Variants in EMCN observed in about 807,000 individuals in gnomAD.
EMCN encodes the protein MUC-14.
A neutral mutation model predicts 38.4 loss-of-function variants in EMCN; 37 were observed. The observed-to-expected ratio is 0.96, with a 90% CI of 0.74 to 1.27. The LOEUF (loss-of-function observed/expected upper bound fraction) is 1.27, where lower values mean the gene tolerates loss of function less well. EMCN is among the 50% of genes most tolerant of loss of function. The pLI, the probability that EMCN is intolerant of heterozygous loss-of-function variation, is 0.00. For missense variants in EMCN, 318 were observed against 302.8 expected (o/e 1.05, Z -0.37); for synonymous variants, 95 against 100.8 (o/e 0.94, Z 0.35).
chr4:100,423,136 T>A, intron 6 of EMCN, 56 bp from the exon 7 acceptor site: 1 of 1,531,958 alleles, frequency 6.5e-7, no homozygotes, highest in Non-Finnish European at 9.0e-7. Context: ...ATTCTTGCAG[T>A]CCTCCCTCCA....
chr4:100,429,257 A>G lies in EMCN; in HGVS notation c.416-5853T>C, dbSNP rs1210603000. Among the ~76,000 whole-genome samples, 8 of 152,272 alleles carry G rather than the reference A, an allele frequency of 5.3e-5. No homozygotes were observed. The East Asian group carries it at 1.5e-3, about 29-fold the overall frequency. On this transcript the variant is annotated intron_variant, in intron 5 of 11. Transcript: ENST00000296420. ...TGGAGAGGAAAATAATCTATTATATAAGTGAAACATGAGTGGTATAGACAA... is the reference window on the plus strand; with the variant it reads ...TGGAGAGGAAAATAATCTATTATATGAGTGAAACATGAGTGGTATAGACAA...
intron 10 of EMCN, among the ~76,000 whole-genome samples, chr4:100,412,120 C>G (rs1726579776): frequency 6.6e-6 from 1 of 151,986 alleles, no homozygotes; most frequent in African/African-American, 2.4e-5. Flanking sequence ...CAAAGGAGAG[C>G]AAGAGACTCT....
At chr4:100,412,626 G>A (rs751389012) in intron 10 of EMCN, among the ~76,000 whole-genome samples, 2 of 151,982 alleles carry the variant, frequency 1.3e-5, no homozygotes, top group Non-Finnish European at 2.9e-5. Flanking sequence ...TGACAAGATC[G>A]CTTACTAAAG....
chr4:100,476,860 T>TA (rs1274350562), intron 2 of EMCN, among the ~76,000 whole-genome samples: 1 of 152,184 alleles, frequency 6.6e-6, no homozygotes, highest in East Asian at 1.9e-4. Context: ...TCTATTCAAA[T>TA]ATAACAGGGA....
chr4:100,481,364 T>C (rs1463061133), intron 1 of EMCN, among the ~76,000 whole-genome samples: 1 of 152,120 alleles, frequency 6.6e-6, no homozygotes, highest in Non-Finnish European at 1.5e-5. Context: ...AATTTTATAG[T>C]CTTGAGATGC....
chr4:100,509,686 G>A (rs1341306630), intron 1 of EMCN, among the ~76,000 whole-genome samples: 12 of 152,094 alleles, frequency 7.9e-5, no homozygotes, highest in African/African-American at 7.2e-5. Context: ...ATGGTTTTCC[G>A]TGTTTTGTGT....
intron 11 of EMCN, among the ~76,000 whole-genome samples, chr4:100,402,779 A>G (rs1726291055): frequency 1.3e-5 from 2 of 151,894 alleles, no homozygotes; most frequent in Admixed American, 1.3e-4. Flanking sequence ...TTCGAAGATC[A>G]ACACTGTTCC....
rs562116126 is a variant in EMCN at position 100,499,508 on chromosome 4, T to C, written c.64+18343A>G. Among the ~76,000 whole-genome samples, 14 of 152,352 alleles carry C rather than the reference T, an allele frequency of 9.2e-5. No homozygotes were observed. In the East Asian group the frequency reaches 2.7e-3, roughly 29 times the overall value. On this transcript the variant is annotated intron_variant, in intron 1 of 11. Transcript: ENST00000296420. ...ATTACCTTTTCTGCCCTGAATTAGA[T>C]GGGATTTGAGGAAAATCAAACTTAA... is the stretch of plus-strand genomic sequence containing the variant.
intron 3 of EMCN, among the ~76,000 whole-genome samples, chr4:100,474,577 T>C (rs1728581548): frequency 6.6e-6 from 1 of 152,188 alleles, no homozygotes; most frequent in African/African-American, 2.4e-5. Context: ...TTTATAATCA[T>C]TAGCAAGTAG....
intron 8 of EMCN, among the ~76,000 whole-genome samples, chr4:100,419,889 C>T (rs988539734): frequency 2.6e-4 from 40 of 152,216 alleles, no homozygotes; most frequent in Non-Finnish European, 2.8e-4. Flanking sequence ...TATCATACTA[C>T]AACTGTCCAT....
intron 11 of EMCN, among the ~76,000 whole-genome samples, chr4:100,401,174 TAGAGTACGA>T (rs1726248078): frequency 6.6e-6 from 1 of 152,184 alleles, no homozygotes; most frequent in African/African-American, 2.4e-5. Context: ...TTCAGGATTA[TAGAGTACGA>T]TCATAATATA....
chr4:100,415,828 C>G, intron 10 of EMCN, 70 bp downstream of exon 10: 1 of 1,088,188 alleles, frequency 9.2e-7, no homozygotes, highest in East Asian at 2.6e-5. Context: ...TTCACATGAA[C>G]AAAATCCAAG....
Position 100,465,473 on chromosome 4 carries a change from C to G in EMCN, c.326G>C (p.Ser109Thr). 2 of 1,609,240 alleles carry G rather than the reference C, an allele frequency of 1.2e-6. No individual in the cohort carries two copies. The highest frequency in any genetic ancestry group is 4.5e-5 in the East Asian group (2 of 44,720). ...DSIISNVTVTSVTLPNAVSTL... is the reference protein window; with the variant it reads ...DSIISNVTVTTVTLPNAVSTL... ...TGAAACAGCATTTGGAAGTGTAACA[C>G]TTGTTACTGTTACGTTTGAAATGAT... The change falls in exon 4 of 12, where the codon AGT becomes ACT. Residue 109 changes from serine to threonine, a missense_variant. Transcript: ENST00000296420.
chr4:100,510,132 C>T (rs1413992573), intron 1 of EMCN, among the ~76,000 whole-genome samples: 1 of 152,124 alleles, frequency 6.6e-6, no homozygotes, highest in Non-Finnish European at 1.5e-5. Flanking sequence ...ACATATTCAA[C>T]CTCTCAGATT....
chr4:100,506,469 G>A (rs539117626), intron 1 of EMCN, among the ~76,000 whole-genome samples: 2 of 151,990 alleles, frequency 1.3e-5, no homozygotes, highest in South Asian at 4.2e-4. Context: ...GGGTTTAAAT[G>A]CATATATGTT....
intron 1 of EMCN, among the ~76,000 whole-genome samples, chr4:100,496,332 G>T (rs772639312): frequency 2.6e-5 from 4 of 152,070 alleles, no homozygotes; most frequent in African/African-American, 9.7e-5. Context: ...AACTCTTGTC[G>T]ATTTTAGCAG....
At chr4:100,424,622 G>A (rs1726993347) in intron 5 of EMCN, among the ~76,000 whole-genome samples, 1 of 152,090 alleles carries the variant, frequency 6.6e-6, no homozygotes, top group Non-Finnish European at 1.5e-5. Flanking sequence ...TGCCATGCAA[G>A]AGATCTGTGG....
intron 3 of EMCN, among the ~76,000 whole-genome samples, chr4:100,473,702 A>C (rs1392916946): frequency 6.6e-6 from 1 of 152,160 alleles, no homozygotes; most frequent in Non-Finnish European, 1.5e-5. Context: ...TAACAACTAC[A>C]TGAGAAGTTG....
intron 1 of EMCN, among the ~76,000 whole-genome samples, chr4:100,498,602 C>T (rs1729270655): frequency 6.6e-6 from 1 of 152,056 alleles, no homozygotes; most frequent in Admixed American, 6.6e-5. Flanking sequence ...CTGCCTCAGC[C>T]TCTTGAGTAG....
Sources: allele counts gnomAD v4.1 joint callset (sites outside exome capture counted in the v4.1 genomes callset), GRCh38; gene constraint gnomAD v4.1.1; transcripts MANE v1.5; gene names NCBI Gene and HGNC (gene_info 2026-07-23, HGNC 2026-07-21).